Variants in VPS13B observed in about 807,000 individuals in gnomAD.
The protein encoded by VPS13B is intermembrane lipid transfer protein VPS13B.
Under a neutral mutation model 426.4 loss-of-function variants are expected in VPS13B, and 285 were observed. That is an observed-to-expected ratio of 0.67 (90% confidence interval 0.61 to 0.74). The LOEUF (loss-of-function observed/expected upper bound fraction) is 0.74. Ranked by LOEUF, VPS13B falls within the 30% of genes least tolerant of loss-of-function variation. The pLI, the probability that VPS13B is intolerant of heterozygous loss-of-function variation, is 0.00. For synonymous variants in VPS13B, 1,676 were observed against 1,676.4 expected (o/e 1.00, Z 0.01); for missense variants, 4,537 against 4,782.6 (o/e 0.95, Z 1.51).
chr8:99,696,400 C>T (rs956733460), intron 35 of VPS13B: 5 of 331,434 alleles, frequency 1.5e-5, no homozygotes, highest in Admixed American at 7.9e-5. Flanking sequence ...GATCGTGGTG[C>T]TCATGCTGTG....
intron 61 of VPS13B, chr8:99,875,101 GAAC>G (rs1236038813): frequency 2.2e-5 from 8 of 371,432 alleles, no homozygotes; most frequent in Non-Finnish European, 4.0e-5. Context: ...GGCTGCTAAA[GAAC>G]AATGACAGAT....
intron 26 of VPS13B, 68 bp downstream of exon 26, chr8:99,501,926 C>G (rs146234458): frequency 9.4e-7 from 1 of 1,066,612 alleles, no homozygotes; most frequent in African/African-American, 1.7e-5. Context: ...CTCCCTCCCT[C>G]CCTTCCTTCC....
At chr8:99,348,836 AT>A (rs911144554) in intron 19 of VPS13B, among the ~76,000 whole-genome samples, 6 of 151,830 alleles carry the variant, frequency 4.0e-5, no homozygotes, top group East Asian at 1.9e-4. Flanking sequence ...AAAATAATTT[AT>A]TTTTTTTAAA....
chr8:99,532,578 A>T (rs906431225), intron 30 of VPS13B, among the ~76,000 whole-genome samples: 1 of 152,036 alleles, frequency 6.6e-6, no homozygotes, highest in African/African-American at 2.4e-5. Context: ...TTTGTTTTCC[A>T]TCTGCTTATT....
intron 3 of VPS13B, among the ~76,000 whole-genome samples, chr8:99,053,353 A>G (rs1843665149): frequency 6.6e-6 from 1 of 151,592 alleles, no homozygotes; most frequent in Non-Finnish European, 1.5e-5. Flanking sequence ...ATGTGTTCTC[A>G]TTGTTCAATT....
At chr8:99,297,272 T>C (rs1389391658) in intron 19 of VPS13B, among the ~76,000 whole-genome samples, 2 of 152,174 alleles carry the variant, frequency 1.3e-5, no homozygotes, top group Non-Finnish European at 2.9e-5. Flanking sequence ...CAGCCCTTTT[T>C]GAGATGCGCA....
chr8:99,462,703 T>A (rs903958323), intron 23 of VPS13B, among the ~76,000 whole-genome samples: 1 of 152,138 alleles, frequency 6.6e-6, no homozygotes, highest in African/African-American at 2.4e-5. Flanking sequence ...GCCCTTAACA[T>A]CCAATGTGAT....
chr8:99,389,852 A>G (rs989633459), intron 20 of VPS13B: 1 of 152,164 alleles, frequency 6.6e-6, no homozygotes, highest in African/African-American at 2.4e-5. Flanking sequence ...AAAAATTCAA[A>G]GGATTATGGA....
Position 99,709,714 on chromosome 8 carries a change from G to A in VPS13B, c.6455-7457G>A, listed in dbSNP as rs78058777. ...AAATGTAGAAAGAAGAAGTCATACC[G>A]TACGATTGGTCAAAGTGACCTGATC... On this transcript the variant is annotated intron_variant, in intron 36 of 61. Transcript: ENST00000357162. Among the ~76,000 whole-genome samples the A allele has an allele frequency of 1.2e-4, 18 of 152,274 alleles. No homozygotes were observed. The East Asian group carries it at 2.3e-3, about 20-fold the overall frequency.
chr8:99,697,191 G>T, intron 35 of VPS13B: 3 of 554,142 alleles, frequency 5.4e-6, no homozygotes, highest in Non-Finnish European at 9.9e-6. Flanking sequence ...AGTGGCTGAG[G>T]TGGAGGGTGG....
chr8:99,807,404 A>C (rs1388169146), intron 43 of VPS13B, among the ~76,000 whole-genome samples: 2 of 151,324 alleles, frequency 1.3e-5, no homozygotes, highest in Non-Finnish European at 2.9e-5. Context: ...GCTTGATCTT[A>C]AGTACCTTGC....
intron 33 of VPS13B, among the ~76,000 whole-genome samples, chr8:99,596,480 G>A (rs1010485186): frequency 6.6e-6 from 1 of 151,946 alleles, no homozygotes; most frequent in African/African-American, 2.4e-5. Context: ...TAGTGGCTCT[G>A]CTCCCTAAGG....
At chr8:99,568,984 T>G (rs567420646) in intron 31 of VPS13B, among the ~76,000 whole-genome samples, 18 of 151,628 alleles carry the variant, frequency 1.2e-4, no homozygotes, top group South Asian at 8.4e-4. Context: ...GCTAATTTTT[T>G]TTGTTGTTGT....
rs140797714 is a variant in VPS13B at position 99,626,810 on chromosome 8, A to G, written c.5221-15001A>G. Among the ~76,000 whole-genome samples, 950 of 152,346 alleles carry G rather than the reference A, an allele frequency of 6.2e-3. 8 individuals are homozygous for G. The highest frequency in any genetic ancestry group is 0.021 in the African/African-American group (892 of 41,578). On this transcript the variant is annotated intron_variant, in intron 33 of 61. Transcript: ENST00000357162. ...AAAGGAACTGAAATCAATATGCCAA[A>G]GAAATATCTGCACTCCCATATTCAT...
intron 35 of VPS13B, among the ~76,000 whole-genome samples, chr8:99,678,269 T>C (rs1051762242): frequency 6.6e-6 from 1 of 152,204 alleles, no homozygotes; most frequent in Non-Finnish European, 1.5e-5. Context: ...TTCAAGTCCT[T>C]CTACTTTTTT....
intron 15 of VPS13B, among the ~76,000 whole-genome samples, chr8:99,165,319 A>T (rs1811941386): frequency 6.6e-6 from 1 of 152,128 alleles, no homozygotes. Context: ...TTTGCCTAAC[A>T]TCTCTTCAAC....
At chr8:99,808,857 T>C (rs1329420644) in intron 43 of VPS13B, among the ~76,000 whole-genome samples, 1 of 152,088 alleles carries the variant, frequency 6.6e-6, no homozygotes. Context: ...GTATTTCTAA[T>C]TTGATATATC....
chr8:99,568,974 G>A (rs1170742016), intron 31 of VPS13B, among the ~76,000 whole-genome samples: 4 of 151,980 alleles, frequency 2.6e-5, no homozygotes, highest in Admixed American at 2.0e-4. Context: ...ACCACGCCCG[G>A]CTAATTTTTT....
intron 33 of VPS13B, among the ~76,000 whole-genome samples, chr8:99,606,255 A>G (rs1455715598): frequency 6.6e-6 from 1 of 152,114 alleles, no homozygotes; most frequent in Non-Finnish European, 1.5e-5. Context: ...CTCAGGTGAA[A>G]ACTGACATTA....
Sources: allele counts gnomAD v4.1 joint callset (sites outside exome capture counted in the v4.1 genomes callset), GRCh38; gene constraint gnomAD v4.1.1; transcripts MANE v1.5; gene names NCBI Gene and HGNC (gene_info 2026-07-23, HGNC 2026-07-21).